Variants in WFS1 observed in about 807,000 individuals in gnomAD.
WFS1 encodes wolframin.
A neutral mutation model predicts 68.5 loss-of-function variants in WFS1; 90 were observed. That is an observed-to-expected ratio of 1.31 (90% CI 1.11 to 1.56). The LOEUF is 1.56. Ranked by LOEUF, WFS1 falls within the 40% of genes most tolerant of loss-of-function variation. The probability of loss-of-function intolerance (pLI) is 0.00; values close to 1 mark genes in which losing one functional copy is unlikely to be tolerated. For synonymous variants in WFS1, 860 were observed against 540.7 expected, an observed-to-expected ratio of 1.59 and a Z score of -8.19; for missense variants, 1,767 against 1,232.6, an observed-to-expected ratio of 1.43 and a Z score of -6.49.
In WFS1 at chr4:6,302,328, A is replaced by G. The variant is rs750278568; in HGVS notation, c.2533A>G (p.Ile845Val). 5 of 1,612,294 alleles carry G rather than the reference A, an allele frequency of 3.1e-6. No homozygotes were observed. In the South Asian group the frequency reaches 4.4e-5, roughly 14 times the overall value. Reference sequence around the variant, plus strand: ...GTGGCCTGTCTTCGAGCTCAAGGCCATCAGCTGCCTCAACTGCATGGCCCA... The same window carrying G: ...GTGGCCTGTCTTCGAGCTCAAGGCCGTCAGCTGCCTCAACTGCATGGCCCA... Reference protein sequence around the residue: ...SKWPVFELKAISCLNCMAQLS... With the variant: ...SKWPVFELKAVSCLNCMAQLS... The change falls in exon 8 of 8, where the codon ATC becomes GTC. Residue 845 changes from isoleucine to valine, a missense_variant. Coordinates refer to ENST00000226760, the MANE Select transcript of WFS1 (RefSeq NM_006005.3).
At position 6,295,081 on chromosome 4, in the gene WFS1, TAAG is replaced by T; in HGVS notation, c.757_759del (p.Lys253del). On this transcript the variant is annotated inframe_deletion, in exon 7 of 8. Transcript: ENST00000226760. ...CGCTGGATGACTTTGTGGAGATCACTAAGAAGTACGCCAAGGGCGTCATCCCCA... is the reference window on the plus strand; with the variant it reads ...CGCTGGATGACTTTGTGGAGATCACTAAGTACGCCAAGGGCGTCATCCCCA... The T allele has an allele frequency of 6.2e-7, 1 of 1,613,544 alleles. No homozygotes were observed. The highest frequency in any genetic ancestry group is 8.5e-7 in the Non-Finnish European group (1 of 1,180,014).
chr4:6,277,336 G>C, intron 1 of WFS1, 115 bp from the exon 2 acceptor site: 3 of 972,572 alleles, frequency 3.1e-6, no homozygotes, highest in Non-Finnish European at 4.8e-6. Context: ...GATCCTGTAT[G>C]GAGTGTCTGG....
Position 6,292,146 on chromosome 4 carries a change from C to T in WFS1, c.712+149C>T, listed in dbSNP as rs561245184. The T allele has an allele frequency of 6.7e-4, 554 of 821,796 alleles. 9 individuals are homozygous for T. In the East Asian group the frequency reaches 0.014, roughly 21 times the overall value. 50.9% of individuals were successfully genotyped at this position (821,796 alleles called of 1,614,324 possible). A position where few individuals can be genotyped will look rare whatever the true frequency, so the allele number is the denominator to read the frequency against. ...TGCAGGGCGACCTCTCCTTCCTGTG[C>T]GACCCCATCCTGGCCCTGCTAGGAT... On this transcript the variant is annotated intron_variant, in intron 6 of 7. Coordinates refer to ENST00000226760, the MANE Select transcript of WFS1 (RefSeq NM_006005.3).
chr4:6,303,001 G>T lies in WFS1; in HGVS notation c.*533G>T, dbSNP rs1372598484. 1.2e-5 allele frequency: 2 copies of T among 167,012 alleles called. No individual in the cohort carries two copies. Among genetic ancestry groups the T allele is most frequent in the Non-Finnish European group, 2.6e-5 (2 of 75,816 alleles). The allele number at this position is 167,012 out of a possible 1,614,324, so 10.3% of individuals were successfully genotyped here. On this transcript the variant is annotated 3_prime_UTR_variant, in exon 8 of 8. Coordinates refer to ENST00000226760, the MANE Select transcript of WFS1 (RefSeq NM_006005.3). ...TGGTCAAGGCCCGGCCCCATCAGAG[G>T]CTGGGGGAGGCGGCACATTGGCAGT...
intron 1 of WFS1, among the ~76,000 whole-genome samples, chr4:6,275,864 C>G (rs1578584367): frequency 6.6e-6 from 1 of 152,298 alleles, no homozygotes; most frequent in East Asian, 1.9e-4. Context: ...CTGCTCAGTG[C>G]CAAGCGCTGG....
intron 1 of WFS1, among the ~76,000 whole-genome samples, chr4:6,271,532 G>A (rs998434254): frequency 6.6e-6 from 1 of 152,086 alleles, no homozygotes; most frequent in Admixed American, 6.5e-5. Context: ...ATAATAGGTC[G>A]GGAGCTTTAT....
Position 6,287,396 on chromosome 4 carries a change from C to G in WFS1, c.315+221C>G. On this transcript the variant is annotated intron_variant, in intron 3 of 7. Transcript: ENST00000226760. The surrounding 1 kb of genome is among the most constrained non-coding windows in gnomAD (Gnocchi z 6.4). ...TCCTCTGGGGAGCAGCGCTCATCCC[C>G]CTTTTGTCCAACTCACACCTCATCT... is the stretch of plus-strand genomic sequence containing the variant. 1.7e-6 allele frequency: 1 copy of G among 577,068 alleles called. No individual in the cohort carries two copies. The highest frequency in any genetic ancestry group is 3.1e-6 in the Non-Finnish European group (1 of 318,734). The allele number at this position is 577,068 out of a possible 1,614,324, so 35.7% of individuals were successfully genotyped here.
Position 6,293,966 on chromosome 4 carries a change from C to G in WFS1, c.713-1075C>G, listed in dbSNP as rs6446482. Among the ~76,000 whole-genome samples, 96,182 of 152,072 alleles carry G rather than the reference C, an allele frequency of 0.63. 31,031 individuals carry two copies. The highest frequency in any genetic ancestry group is 0.93 in the East Asian group (4,817 of 5,166). On this transcript the variant is annotated intron_variant, in intron 6 of 7. Coordinates refer to ENST00000226760, the MANE Select transcript of WFS1 (RefSeq NM_006005.3). ...CTACAGTGAGCTACTGAGGCCTGTG[C>G]TACCTGCCACTTGTGTGGGCCCCCC...
In WFS1 at chr4:6,270,243, G is replaced by C. The variant is rs548990311; in HGVS notation, c.-6+229G>C. 9.3e-3 allele frequency among the ~76,000 whole-genome samples: 1,418 copies of C among 151,786 alleles called. 32 individuals carry two copies. Among genetic ancestry groups the C allele is most frequent in the Middle Eastern group, 0.014 (4 of 292 alleles). On this transcript the variant is annotated intron_variant, in intron 1 of 7. Coordinates refer to ENST00000226760, the MANE Select transcript of WFS1 (RefSeq NM_006005.3). Reference sequence around the variant, plus strand: ...TTCCGGGCCCGAACGGGTCACCCGGGGGGCGCGCCCCGGTCCCCCGCGCGC... The same window carrying C: ...TTCCGGGCCCGAACGGGTCACCCGGCGGGCGCGCCCCGGTCCCCCGCGCGC...
At chr4:6,281,907 G>T (rs917565022) in intron 2 of WFS1, among the ~76,000 whole-genome samples, 3 of 152,212 alleles carry the variant, frequency 2.0e-5, no homozygotes, top group Admixed American at 1.3e-4. Context: ...TGGGAACTTG[G>T]CAGTGTGCCT....
chr4:6,277,869 C>T (rs1397453687), intron 2 of WFS1, among the ~76,000 whole-genome samples, 182 bp downstream of exon 2: 1 of 152,262 alleles, frequency 6.6e-6, no homozygotes, highest in African/African-American at 2.4e-5. Context: ...AGCCTTGCAC[C>T]TGTCACCTTT....
intron 1 of WFS1, among the ~76,000 whole-genome samples, chr4:6,275,702 CAG>C (rs1729975144): frequency 6.6e-6 from 1 of 152,118 alleles, no homozygotes; most frequent in Admixed American, 6.5e-5. Flanking sequence ...TTGAAATCTG[CAG>C]AGTTCTTGAG....
rs1730346495 is a variant in WFS1 at position 6,287,424 on chromosome 4, G to A, written c.315+249G>A. ...TTTGTCCAACTCACACCTCATCTTGGGCATCACCTCCTCCAGGATGACCTC... is the reference window on the plus strand; with the variant it reads ...TTTGTCCAACTCACACCTCATCTTGAGCATCACCTCCTCCAGGATGACCTC... On this transcript the variant is annotated intron_variant, in intron 3 of 7. Coordinates refer to ENST00000226760, the MANE Select transcript of WFS1 (RefSeq NM_006005.3). This position sits in a 1 kb window ranked among gnomAD's most constrained non-coding sequence, Gnocchi z 6.4. The A allele has an allele frequency of 1.8e-6, 1 of 553,544 alleles. No homozygotes were observed. The allele number at this position is 553,544 out of a possible 1,614,324, so 34.3% of individuals were successfully genotyped here. A position where few individuals can be genotyped will look rare whatever the true frequency, so the allele number is the denominator to read the frequency against.
At chr4:6,291,156 G>A (rs1207188498) in intron 4 of WFS1, 41 bp from the exon 5 acceptor site, 4 of 1,607,538 alleles carry the variant, frequency 2.5e-6, no homozygotes, top group Admixed American at 1.7e-5. Flanking sequence ...CGAAAGCCTA[G>A]GCAGGGCACA....
At chr4:6,294,975 C>T (rs755822838) in intron 6 of WFS1, 66 bp from the exon 7 acceptor site, 22 of 1,610,832 alleles carry the variant, frequency 1.4e-5, no homozygotes, top group Non-Finnish European at 1.8e-5. Context: ...CAGCCCATTG[C>T]TCTGTGTGAG....
At chr4:6,300,247 C>T (rs570475855) in intron 7 of WFS1, among the ~76,000 whole-genome samples, 2 of 152,134 alleles carry the variant, frequency 1.3e-5, no homozygotes, top group South Asian at 4.1e-4. Flanking sequence ...TAGTGCAGAG[C>T]TGGGTCACAA....
Position 6,302,575 on chromosome 4 carries a change from C to G in WFS1, c.*107C>G. 6.6e-7 allele frequency: 1 copy of G among 1,512,218 alleles called. No homozygotes were observed. Among genetic ancestry groups the G allele is most frequent in the Non-Finnish European group, 8.9e-7 (1 of 1,117,742 alleles). 93.7% of individuals were successfully genotyped at this position (1,512,218 alleles called of 1,614,324 possible). The stretch of plus-strand genomic sequence containing the variant: ...CCAGTGCCGCCTGTGCCCACGTGTG[C>G]AGACTGTGGCTGCAGAGACCTTGCG... On this transcript the variant is annotated 3_prime_UTR_variant, in exon 8 of 8. Coordinates refer to ENST00000226760, the MANE Select transcript of WFS1 (RefSeq NM_006005.3).
At chr4:6,299,380 C>T (rs1730759125) in intron 7 of WFS1, among the ~76,000 whole-genome samples, 1 of 151,584 alleles carries the variant, frequency 6.6e-6, no homozygotes, top group Non-Finnish European at 1.5e-5. Context: ...GGAAGGCAGC[C>T]TTTGGCCTTG....
intron 1 of WFS1, among the ~76,000 whole-genome samples, chr4:6,273,876 T>C (rs1729906531): frequency 6.6e-6 from 1 of 152,226 alleles, no homozygotes; most frequent in Admixed American, 6.5e-5. Flanking sequence ...CCATTCTTAC[T>C]AACCAGAGAT....
Sources: gnomAD v4.1 joint callset for allele counts (sites outside exome capture counted in the v4.1 genomes callset) on GRCh38, gnomAD v4.1.1 for gene constraint, Gnocchi (gnomAD v3.1) non-coding constraint, MANE v1.5 for transcripts, NCBI Gene and HGNC (gene_info 2026-07-23, HGNC 2026-07-21) for gene names.